SLC4A4: variants seen among roughly 807,000 people sequenced by gnomAD.
The protein encoded by SLC4A4 is electrogenic sodium bicarbonate cotransporter 1.
SLC4A4 carries 27 observed loss-of-function variants against 111.5 expected under a neutral mutation model. The ratio of observed to expected loss-of-function variants is 0.24; its 90% CI spans 0.18 to 0.33. The LOEUF (loss-of-function observed/expected upper bound fraction) is 0.33. Among genes scored for constraint, SLC4A4 ranks in the 10% least tolerant of loss-of-function variants. SLC4A4 has a pLI of 1.00. For synonymous variants in SLC4A4, 443 were observed against 463.4 expected, an observed-to-expected ratio of 0.96 and a Z score of 0.57; for missense variants, 909 against 1,315.5, an observed-to-expected ratio of 0.69 and a Z score of 4.78.
At chr4:71,131,925 T>C (rs1422998075) in intron 2 of SLC4A4, among the ~76,000 whole-genome samples, 2 of 152,126 alleles carry the variant, frequency 1.3e-5, no homozygotes, top group East Asian at 1.9e-4. Flanking sequence ...TCCTGTACCA[T>C]TGTTAATTAT....
At position 71,236,715 on chromosome 4, in the gene SLC4A4, A is replaced by G. The variant is rs1050081193; in HGVS notation, c.73+66A>G. On this transcript the variant is annotated intron_variant, in intron 2 of 25. Transcript: ENST00000264485. ...TATGTCTCTATAGATAATAACATTC[A>G]TGCATTTCATATATCTTACATTTTT... is the stretch of plus-strand genomic sequence containing the variant. 6.3e-6 allele frequency: 8 copies of G among 1,276,500 alleles called. No homozygotes were observed. In the Admixed American group the frequency reaches 6.9e-5, roughly 11 times the overall value. The allele number at this position is 1,276,500 out of a possible 1,614,324, so 79.1% of individuals were successfully genotyped here.
chr4:71,156,213 A>G (rs1289030813), intron 2 of SLC4A4, among the ~76,000 whole-genome samples: 1 of 152,206 alleles, frequency 6.6e-6, no homozygotes, highest in Non-Finnish European at 1.5e-5. Context: ...TTGGGTTTCC[A>G]TATACCCTGT....
At chr4:71,246,000 G>T (rs1421467456) in intron 2 of SLC4A4, among the ~76,000 whole-genome samples, 1 of 152,086 alleles carries the variant, frequency 6.6e-6, no homozygotes, top group Admixed American at 6.6e-5. Context: ...TACTGGATTT[G>T]GCAAAAAGAA....
intron 18 of SLC4A4, among the ~76,000 whole-genome samples, chr4:71,539,159 C>G (rs1348536607): frequency 6.6e-6 from 1 of 152,010 alleles, no homozygotes; most frequent in Non-Finnish European, 1.5e-5. Flanking sequence ...GCCCTACTTT[C>G]ATTTTTCCTT....
At chr4:71,258,494 A>G (rs527618638) in intron 3 of SLC4A4, among the ~76,000 whole-genome samples, 14 of 152,310 alleles carry the variant, frequency 9.2e-5, no homozygotes, top group African/African-American at 3.4e-4. Flanking sequence ...CCGTGAGAGC[A>G]AAGATCAGGT....
At chr4:71,447,524 GT>G in intron 8 of SLC4A4, 121 bp from the exon 9 acceptor site, 1 of 717,150 alleles carries the variant, frequency 1.4e-6, no homozygotes, top group Admixed American at 2.0e-5. Flanking sequence ...TATTACCTTT[GT>G]TTTAAAGGTG....
chr4:71,450,524 C>G lies in SLC4A4; in HGVS notation c.1189C>G (p.Leu397Val), dbSNP rs140258099. ...PAIRIEPPKS[L>V]PSSDKRKNMY... ...AATTAGGATAGAGCCTCCTAAGAGT[C>G]TTCCATCCTCTGACAAAAGGTAAAT... The change falls in exon 10 of 26, where the codon CTT (leucine) becomes GTT (valine). Residue 397 changes from leucine to valine, a missense_variant. Physicochemically the swap from Leu to Val is conservative, Grantham distance 32 (BLOSUM62 1). Transcript: ENST00000264485. The G allele has an allele frequency of 2.5e-6, 4 of 1,613,418 alleles. No individual in the cohort carries two copies. In the African/African-American group the frequency reaches 5.3e-5, roughly 22 times the overall value.
At chr4:71,161,201 AG>A (rs1744609195) in intron 2 of SLC4A4, among the ~76,000 whole-genome samples, 2 of 152,198 alleles carry the variant, frequency 1.3e-5, no homozygotes, top group Admixed American at 1.3e-4. Flanking sequence ...CAAAGCAAAT[AG>A]GCTTCTCACT....
At chr4:71,307,930 A>G (rs146867419) in intron 3 of SLC4A4, among the ~76,000 whole-genome samples, 1,712 of 152,254 alleles carry the variant, frequency 0.011, 46 homozygotes, top group African/African-American at 0.039. Flanking sequence ...CCTCCCTCTT[A>G]CACTGCCCCA....
rs527592088 is a variant in SLC4A4 at position 71,221,735 on chromosome 4, A to G, written c.-1-14841A>G. ...GCTAGTTTGGCAGAAGTTGATAAAG[A>G]TTATATTAACAAGTTAATGCAGATT... On this transcript the variant is annotated intron_variant, in intron 1 of 25. Transcript: ENST00000264485. Among the ~76,000 whole-genome samples, 9 of 152,336 alleles carry G rather than the reference A, an allele frequency of 5.9e-5. 1 individual carries two copies. In the South Asian group the frequency reaches 1.9e-3, roughly 32 times the overall value.
intron 2 of SLC4A4, among the ~76,000 whole-genome samples, chr4:71,133,241 G>C (rs1007933986): frequency 1.6e-4 from 25 of 152,126 alleles, no homozygotes; most frequent in African/African-American, 6.0e-4. Flanking sequence ...GGTCTCACTT[G>C]GATCCTATTT....
intron 1 of SLC4A4, among the ~76,000 whole-genome samples, chr4:71,191,985 A>C (rs529877738): frequency 6.6e-6 from 1 of 152,304 alleles, no homozygotes; most frequent in African/African-American, 2.4e-5. Context: ...AATATGAATA[A>C]AAATACAAAA....
At chr4:71,190,252 C>T (rs1745666406) in intron 1 of SLC4A4, among the ~76,000 whole-genome samples, 1 of 152,058 alleles carries the variant, frequency 6.6e-6, no homozygotes, top group Admixed American at 6.5e-5. Context: ...ACGTTTGGGT[C>T]ACAAAAATGG....
At chr4:71,484,357 A>C (rs780108891) in intron 14 of SLC4A4, among the ~76,000 whole-genome samples, 6 of 151,620 alleles carry the variant, frequency 4.0e-5, no homozygotes, top group Non-Finnish European at 8.9e-5. Flanking sequence ...TTTATGTTGC[A>C]TAAGGAAGAG....
chr4:71,148,355 A>G (rs542698529), intron 2 of SLC4A4, among the ~76,000 whole-genome samples: 3 of 152,300 alleles, frequency 2.0e-5, no homozygotes, highest in Admixed American at 2.0e-4. Context: ...TCTAAAAAGA[A>G]ACTGGATCTC....
chr4:71,482,737 T>C (rs947911055), intron 14 of SLC4A4, among the ~76,000 whole-genome samples: 1 of 151,638 alleles, frequency 6.6e-6, no homozygotes, highest in African/African-American at 2.4e-5. Context: ...CTCAGACAGA[T>C]CAGACATTTC....
chr4:71,517,247 C>G (rs1013529774), intron 16 of SLC4A4, among the ~76,000 whole-genome samples: 2 of 151,796 alleles, frequency 1.3e-5, no homozygotes, highest in Admixed American at 6.6e-5. Context: ...TCTTTTGATC[C>G]TGTCACATAA....
intron 16 of SLC4A4, among the ~76,000 whole-genome samples, chr4:71,525,202 C>T (rs1733307996): frequency 6.6e-6 from 1 of 152,042 alleles, no homozygotes; most frequent in African/African-American, 2.4e-5. Flanking sequence ...TTTGAATTTC[C>T]TTTTCCATCC....
intron 1 of SLC4A4, among the ~76,000 whole-genome samples, chr4:71,065,485 A>G (rs1741495990): frequency 6.7e-6 from 1 of 149,216 alleles, no homozygotes; most frequent in African/African-American, 2.4e-5. Flanking sequence ...TTGGCTGAAG[A>G]TGAAAATATA....
Sources: gnomAD v4.1 joint callset for allele counts (sites outside exome capture counted in the v4.1 genomes callset) on GRCh38, gnomAD v4.1.1 for gene constraint, MANE v1.5 for transcripts, NCBI Gene and HGNC (gene_info 2026-07-23, HGNC 2026-07-21) for gene names.